The following CRYBG3 variants were observed in gnomAD, a reference collection of about 807,000 sequenced individuals.
CRYBG3 encodes very large A-kinase anchor protein.
Under a neutral mutation model 244.2 loss-of-function variants are expected in CRYBG3, and 127 were observed. The observed-to-expected ratio is 0.52, with a 90% confidence interval of 0.45 to 0.60. The LOEUF (loss-of-function observed/expected upper bound fraction) is 0.60. Ranked by LOEUF, CRYBG3 falls within the 20% of genes least tolerant of loss-of-function variation. CRYBG3 has a pLI of 0.00. For missense variants in CRYBG3, 3,325 were observed against 3,442.5 expected (o/e 0.97, Z 0.85); for synonymous variants, 1,132 against 1,195.8 (o/e 0.95, Z 1.10).
intron 14 of CRYBG3, 91 bp from the exon 15 acceptor site, chr3:97,900,362 A>G (rs1473067195): frequency 4.8e-6 from 4 of 827,500 alleles, no homozygotes. Context: ...AAGAAAAGAA[A>G]AAAAAATTTT....
chr3:97,842,947 G>A (rs746191154), intron 1 of CRYBG3, among the ~76,000 whole-genome samples: 5 of 152,172 alleles, frequency 3.3e-5, no homozygotes, highest in African/African-American at 9.7e-5. Context: ...TTACTGTGAT[G>A]TTGATTATCT....
At chr3:97,916,441 G>A (rs2039930075) in intron 17 of CRYBG3, among the ~76,000 whole-genome samples, 1 of 152,096 alleles carries the variant, frequency 6.6e-6, no homozygotes, top group Admixed American at 6.6e-5. Flanking sequence ...TTTCAAATGT[G>A]AGATAAATGG....
intron 15 of CRYBG3, among the ~76,000 whole-genome samples, chr3:97,901,149 A>G (rs571045675): frequency 6.6e-6 from 1 of 152,218 alleles, no homozygotes; most frequent in Admixed American, 6.5e-5. Context: ...AGACATTTCT[A>G]GTATGGACCG....
chr3:97,882,149 C>T (rs1391263922), intron 7 of CRYBG3, among the ~76,000 whole-genome samples: 2 of 151,872 alleles, frequency 1.3e-5, no homozygotes, highest in Non-Finnish European at 2.9e-5. Flanking sequence ...GCAGAGGTTG[C>T]AGTGAGCTGA....
intron 1 of CRYBG3, among the ~76,000 whole-genome samples, chr3:97,833,346 A>T (rs141702841): frequency 2.1e-4 from 32 of 152,368 alleles, no homozygotes; most frequent in African/African-American, 7.7e-4. Flanking sequence ...GGATAAAGAA[A>T]ATGTGGCACA....
intron 1 of CRYBG3, among the ~76,000 whole-genome samples, chr3:97,829,157 T>C (rs2038620494): frequency 6.6e-6 from 1 of 152,178 alleles, no homozygotes; most frequent in African/African-American, 2.4e-5. Context: ...TGTATGATCC[T>C]GAGTTGGCAA....
At chr3:97,865,643 G>A (rs1343381512) in intron 3 of CRYBG3, among the ~76,000 whole-genome samples, 1 of 152,082 alleles carries the variant, frequency 6.6e-6, no homozygotes, top group Non-Finnish European at 1.5e-5. Context: ...TGTAATATTT[G>A]CTAGACATTT....
At chr3:97,897,496 G>A (rs1226362599) in intron 12 of CRYBG3, among the ~76,000 whole-genome samples, 2 of 151,832 alleles carry the variant, frequency 1.3e-5, no homozygotes, top group African/African-American at 4.8e-5. Context: ...AAGCAGAAGA[G>A]CTACATTTAA....
chr3:97,893,020 A>G (rs202062135), intron 11 of CRYBG3, 27 bp downstream of exon 11: 49 of 1,579,766 alleles, frequency 3.1e-5, no homozygotes, highest in African/African-American at 4.1e-5. Context: ...TAACATTTGC[A>G]CAAGTAGTCT....
At chr3:97,853,134 A>C (rs187544746) in intron 2 of CRYBG3, among the ~76,000 whole-genome samples, 2 of 152,090 alleles carry the variant, frequency 1.3e-5, no homozygotes, top group Non-Finnish European at 1.5e-5. Context: ...ACTGTACCCA[A>C]TGTGTAGTCT....
chr3:97,875,101 G>T lies in CRYBG3; in HGVS notation c.3907G>T (p.Asp1303Tyr). The change falls in exon 4 of 22, where the codon GAT becomes TAT. Residue 1303 changes from aspartate (D) to tyrosine (Y), a missense_variant. Physicochemically the swap from Asp to Tyr is radical, Grantham distance 160. Coordinates refer to ENST00000389622, the MANE Select transcript of CRYBG3 (RefSeq NM_153605.4). ...NSMNVSCLLEDKARELVNEII... is the reference protein window; with the variant it reads ...NSMNVSCLLEYKARELVNEII... ...TATGAATGTATCTTGTTTGTTAGAA[G>T]ATAAAGCTAGGGAATTAGTCAATGA... 2 of 1,534,142 alleles carry T rather than the reference G, an allele frequency of 1.3e-6. No homozygotes were observed. The highest frequency in any genetic ancestry group is 1.7e-4 in the Middle Eastern group (1 of 5,964).
chr3:97,899,009 C>T lies in CRYBG3; in HGVS notation c.7828C>T (p.His2610Tyr). The change falls in exon 13 of 22, where the codon CAT becomes TAT. Residue 2610 changes from histidine (H) to tyrosine (Y), a missense_variant. By Grantham distance (83) the His-to-Tyr change is moderately conservative. Around this residue, in one of 4 missense-constraint regions of CRYBG3, gnomAD observed 714 missense variants for 803.6 expected, o/e 0.89. Coordinates refer to ENST00000389622, the MANE Select transcript of CRYBG3 (RefSeq NM_153605.4). ...IGFGSKTRSIHVKSGVWVAYQ... is the reference protein window; with the variant it reads ...IGFGSKTRSIYVKSGVWVAYQ... Reference sequence around the variant, plus strand: ...CTTTGGCAGTAAAACAAGATCCATTCATGTTAAAAGTGGAGTGTAAGTTGC... The same window carrying T: ...CTTTGGCAGTAAAACAAGATCCATTTATGTTAAAAGTGGAGTGTAAGTTGC... The T allele has an allele frequency of 6.2e-7, 1 of 1,611,526 alleles. No individual in the cohort carries two copies. The highest frequency in any genetic ancestry group is 8.5e-7 in the Non-Finnish European group (1 of 1,179,188).
intron 17 of CRYBG3, among the ~76,000 whole-genome samples, chr3:97,931,890 C>G (rs936412645): frequency 6.6e-6 from 1 of 151,908 alleles, no homozygotes; most frequent in African/African-American, 2.4e-5. Context: ...GTACTGATGC[C>G]GTTACTTCCA....
Position 97,877,806 on chromosome 3 carries a change from T to C in CRYBG3, c.6612T>C (p.Thr2204=). 6.2e-7 allele frequency: 1 copy of C among 1,614,060 alleles called. No individual in the cohort carries two copies. Among genetic ancestry groups the C allele is most frequent in the Non-Finnish European group, 8.5e-7 (1 of 1,179,978 alleles). Residue 2204 remains threonine, a synonymous_variant, in exon 4 of 22, where the codon ACT becomes ACC. Coordinates refer to ENST00000389622, the MANE Select transcript of CRYBG3 (RefSeq NM_153605.4). The part of the protein sequence containing the change: ...KNSYVMPNEP[T]TSNLQVGLWP... ...CATATGTGATGCCAAATGAACCTACTACCTCCAATCTGCAAGTTGGTCTGT... is the reference window on the plus strand; with the variant it reads ...CATATGTGATGCCAAATGAACCTACCACCTCCAATCTGCAAGTTGGTCTGT...
chr3:97,901,034 C>A (rs2039701337), intron 15 of CRYBG3, among the ~76,000 whole-genome samples: 1 of 152,242 alleles, frequency 6.6e-6, no homozygotes, highest in East Asian at 1.9e-4. Context: ...TTTAACACTT[C>A]TAATTCAGAA....
intron 7 of CRYBG3, among the ~76,000 whole-genome samples, chr3:97,882,597 A>T (rs1437213973): frequency 6.6e-6 from 1 of 152,180 alleles, no homozygotes; most frequent in East Asian, 1.9e-4. Context: ...TGTATTCTTA[A>T]GATTTCCTTC....
intron 14 of CRYBG3, among the ~76,000 whole-genome samples, chr3:97,899,762 AG>A (rs1471681040): frequency 3.3e-5 from 5 of 152,204 alleles, no homozygotes. Context: ...CTAGGCAGAA[AG>A]GGCATTTCAC....
At chr3:97,928,789 A>G (rs552757973) in intron 17 of CRYBG3, among the ~76,000 whole-genome samples, 29 of 152,092 alleles carry the variant, frequency 1.9e-4, no homozygotes, top group South Asian at 1.2e-3. Flanking sequence ...ATAGACTTCA[A>G]TTTATTCAGG....
chr3:97,880,007 A>C lies in CRYBG3; in HGVS notation c.6911A>C (p.Glu2304Ala), dbSNP rs2039425929. Residue 2304 changes from glutamate to alanine, a missense_variant, in exon 6 of 22, where the codon GAA becomes GCA. Physicochemically the swap from Glu to Ala is moderately radical, Grantham distance 107. Coordinates refer to ENST00000389622, the MANE Select transcript of CRYBG3 (RefSeq NM_153605.4). ...PGKMVIYDLHESTYKQEVYCN... is the reference protein window; with the variant it reads ...PGKMVIYDLHASTYKQEVYCN... ...CAGATGGTTATCTATGATCTCCATG[A>C]AAGTACATATAAACAAGAAGTCTAC... The C allele has an allele frequency of 6.4e-7, 1 of 1,573,594 alleles. No individual in the cohort carries two copies. The highest frequency in any genetic ancestry group is 1.1e-5 in the South Asian group (1 of 87,718).
Sources: allele counts gnomAD v4.1 joint callset (sites outside exome capture counted in the v4.1 genomes callset), GRCh38; gene constraint gnomAD v4.1.1; regional missense constraint gnomAD v4.1.1; transcripts MANE v1.5; gene names NCBI Gene and HGNC (gene_info 2026-07-23, HGNC 2026-07-21).